The following GC variants were observed in gnomAD, a reference collection of about 807,000 sequenced individuals.
GC encodes GC vitamin D binding protein.
GC carries 43 observed loss-of-function variants against 56.7 expected under a neutral mutation model. That is an observed-to-expected ratio of 0.76 (90% CI 0.59 to 0.98). The LOEUF (loss-of-function observed/expected upper bound fraction) is 0.98. Among genes scored for constraint, GC ranks in the 50% least tolerant of loss-of-function variants. The pLI is 0.00. For missense variants in GC, 529 were observed against 545.9 expected (o/e 0.97, Z 0.31); for synonymous variants, 216 against 202.7 (o/e 1.07, Z -0.56).
chr4:71,763,047 C>T (rs866425955), intron 6 of GC, among the ~76,000 whole-genome samples: 4 of 152,188 alleles, frequency 2.6e-5, no homozygotes, highest in Middle Eastern at 6.8e-3. Flanking sequence ...TTGGGCAAGG[C>T]AAATAATAGG....
At chr4:71,768,552 T>C in intron 2 of GC, 119 bp from the exon 3 acceptor site, 2 of 762,932 alleles carry the variant, frequency 2.6e-6, no homozygotes, top group South Asian at 2.3e-5. Flanking sequence ...CACTGCACTC[T>C]CTGCCTCCCA....
chr4:71,742,919 A>G (rs1741231135), intron 12 of GC, among the ~76,000 whole-genome samples: 1 of 152,162 alleles, frequency 6.6e-6, no homozygotes, highest in Non-Finnish European at 1.5e-5. Flanking sequence ...GCTTGCGGTG[A>G]GCCCAGATTG....
chr4:71,804,536 A>G (rs1298176430), upstream of GC, among the ~76,000 whole-genome samples: 1 of 151,932 alleles, frequency 6.6e-6, no homozygotes, highest in Non-Finnish European at 1.5e-5. Flanking sequence ...AACTTATCAT[A>G]TTCTGCCCTC....
At chr4:71,742,351 C>A (rs1022761146) in intron 12 of GC, among the ~76,000 whole-genome samples, 1 of 152,024 alleles carries the variant, frequency 6.6e-6, no homozygotes, top group Admixed American at 6.5e-5. Context: ...TAATTTTTTC[C>A]CTCTTCCAAG....
At chr4:71,753,255 A>G (rs1389281170) in intron 10 of GC, among the ~76,000 whole-genome samples, 1 of 152,264 alleles carries the variant, frequency 6.6e-6, no homozygotes, top group African/African-American at 2.4e-5. Flanking sequence ...ACTCCCATGA[A>G]CAACTCAGCC....
At chr4:71,799,697 G>A (rs1048570030) in intron 1 of GC, among the ~76,000 whole-genome samples, 6 of 152,140 alleles carry the variant, frequency 3.9e-5, no homozygotes, top group Non-Finnish European at 7.4e-5. Context: ...TTTTACCTGG[G>A]AGGAGAAGCA....
chr4:71,789,615 C>T (rs185327979), intron 1 of GC, among the ~76,000 whole-genome samples: 1 of 152,012 alleles, frequency 6.6e-6, no homozygotes, highest in East Asian at 1.9e-4. Flanking sequence ...TCTATAAAGT[C>T]AGGAAAAGGC....
At chr4:71,802,403 A>G (rs761067328) in intron 1 of GC, among the ~76,000 whole-genome samples, 23 of 152,190 alleles carry the variant, frequency 1.5e-4, no homozygotes, top group Middle Eastern at 3.2e-3. Flanking sequence ...GGTTAGGCCC[A>G]TACAATCTTT....
Position 71,783,963 on chromosome 4 carries a change from CT to C in GC, c.55del (p.Arg19GlufsTer27), listed in dbSNP as rs1742765445. 1 of 1,588,236 alleles carries C rather than the reference CT, an allele frequency of 6.3e-7. No homozygotes were observed. Among genetic ancestry groups the C allele is most frequent in the Non-Finnish European group, 8.6e-7 (1 of 1,167,798 alleles). On this transcript the variant is annotated frameshift_variant, in exon 1 of 13. Transcript: ENST00000273951. LOFTEE classifies it high-confidence loss of function. ...LAVAFGHALE[R>X]GRDYEKNKVC... Reference sequence around the variant, plus strand: ...GGTCACAACAAAAGAAATCTTACCTCTCTCTAAAGCATGTCCAAATGCCACA... The same window carrying C: ...GGTCACAACAAAAGAAATCTTACCTCCTCTAAAGCATGTCCAAATGCCACA...
chr4:71,771,643 G>C (rs1048927045), intron 1 of GC, among the ~76,000 whole-genome samples: 5 of 152,074 alleles, frequency 3.3e-5, no homozygotes, highest in Non-Finnish European at 7.4e-5. Context: ...AGTTGATAAA[G>C]CTAATTGTTA....
rs774672725 is a variant in GC at position 71,756,757 on chromosome 4, G to A, written c.989C>T (p.Thr330Ile). The A allele has an allele frequency of 2.0e-5, 32 of 1,613,718 alleles. No homozygotes were observed. The highest frequency in any genetic ancestry group is 2.6e-5 in the Non-Finnish European group (31 of 1,179,826). The change falls in exon 8 of 13, where the codon ACA becomes ATA. Residue 330 changes from threonine (T) to isoleucine (I), a missense_variant. Coordinates refer to ENST00000273951, the MANE Select transcript of GC (RefSeq NM_000583.4). ...TCCTGGATCACACACATCTTTGTTTGTGGGCAACTCTACATCTGGAAGCTC... is the reference window on the plus strand; with the variant it reads ...TCCTGGATCACACACATCTTTGTTTATGGGCAACTCTACATCTGGAAGCTC... ...LPELPDVELP[T>I]NKDVCDPGNT...
intron 1 of GC, among the ~76,000 whole-genome samples, chr4:71,796,055 G>T (rs562815925): frequency 5.9e-5 from 9 of 152,244 alleles, no homozygotes; most frequent in African/African-American, 2.2e-4. Context: ...TCCATTTGTG[G>T]GTAACCCGAC....
chr4:71,748,356 A>C (rs868760503), intron 11 of GC, among the ~76,000 whole-genome samples: 20 of 151,744 alleles, frequency 1.3e-4, no homozygotes, highest in African/African-American at 4.8e-4. Flanking sequence ...ACAGTATATC[A>C]CTCTACTTGT....
At chr4:71,802,937 G>A (rs973347440) in intron 1 of GC, among the ~76,000 whole-genome samples, 2 of 152,040 alleles carry the variant, frequency 1.3e-5, no homozygotes, top group African/African-American at 4.8e-5. Flanking sequence ...AGCATGCTGA[G>A]TATGTATAGC....
intron 11 of GC, among the ~76,000 whole-genome samples, chr4:71,751,531 A>C (rs184572171): frequency 2.0e-5 from 3 of 152,360 alleles, no homozygotes; most frequent in Admixed American, 6.5e-5. Flanking sequence ...CAAATTAAAA[A>C]ATAAATGATC....
At chr4:71,789,188 G>A (rs1304831570) in intron 1 of GC, among the ~76,000 whole-genome samples, 1 of 151,646 alleles carries the variant, frequency 6.6e-6, no homozygotes, top group Non-Finnish European at 1.5e-5. Context: ...AATATAATAT[G>A]TGAGAGAATG....
intron 1 of GC, among the ~76,000 whole-genome samples, chr4:71,772,917 T>C (rs930147153): frequency 1.3e-5 from 2 of 152,110 alleles, no homozygotes; most frequent in Non-Finnish European, 1.5e-5. Flanking sequence ...ACAAAGCCAA[T>C]GTATGTCAAT....
chr4:71,804,009 T>C, exon 1 of GC: 2 of 1,011,364 alleles, frequency 2.0e-6, no homozygotes, highest in Non-Finnish European at 3.0e-6. Context: ...ATCATTCTCC[T>C]GGTGGAGTAA....
chr4:71,804,168 A>G (rs867767733), upstream of GC: 2 of 574,828 alleles, frequency 3.5e-6, no homozygotes, highest in Non-Finnish European at 6.2e-6. Context: ...AGTCAGACAC[A>G]GGTATGCAGT....
Sources: allele counts gnomAD v4.1 joint callset (sites outside exome capture counted in the v4.1 genomes callset), GRCh38; gene constraint gnomAD v4.1.1; transcripts MANE v1.5; gene names NCBI Gene and HGNC (gene_info 2026-07-23, HGNC 2026-07-21).